The following PPME1 variants were observed in gnomAD, a reference collection of about 807,000 sequenced individuals.
PPME1 encodes the protein protein phosphatase methylesterase 1.
In PPME1, 17 loss-of-function variants were observed where a neutral mutation model predicts 56.9. The observed-to-expected ratio is 0.30, with a 90% CI of 0.20 to 0.45. PPME1 has a LOEUF of 0.45. Ranked by LOEUF, PPME1 falls within the 20% of genes least tolerant of loss-of-function variation. The pLI is 1.00. For synonymous variants in PPME1, 122 were observed against 156.2 expected (o/e 0.78, Z 1.63); for missense variants, 357 against 483.2 (o/e 0.74, Z 2.45).
Position 74,246,136 on chromosome 11 carries a change from G to C in PPME1, c.895G>C (p.Asp299His). 6.4e-7 allele frequency: 1 copy of C among 1,559,326 alleles called. No homozygotes were observed. Among genetic ancestry groups the C allele is most frequent in the South Asian group, 1.2e-5 (1 of 84,426 alleles). ...IELAKTEKYW[D>H]GWFRGLSNLF... Reference sequence around the variant, plus strand: ...ACTGGCAAAAACAGAAAAATACTGGGACGGCTGGTTCCGAGGCTTATCCAA... The same window carrying C: ...ACTGGCAAAAACAGAAAAATACTGGCACGGCTGGTTCCGAGGCTTATCCAA... Residue 299 changes from aspartate (D) to histidine (H), a missense_variant, in exon 10 of 14, where the codon GAC becomes CAC. Transcript: ENST00000328257.
chr11:74,225,118 C>A, intron 4 of PPME1, 87 bp from the exon 5 acceptor site: 3 of 913,182 alleles, frequency 3.3e-6, no homozygotes, highest in Non-Finnish European at 3.3e-6. Flanking sequence ...AATCCATTGT[C>A]CAAAGATGAT....
chr11:74,212,034 C>G (rs1858490445), intron 3 of PPME1, among the ~76,000 whole-genome samples: 1 of 152,092 alleles, frequency 6.6e-6, no homozygotes, highest in African/African-American at 2.4e-5. Flanking sequence ...TCATAAGAAC[C>G]AAAAATCAGG....
chr11:74,214,114 TTATC>T lies in PPME1; in HGVS notation c.289-8194_289-8191del, dbSNP rs141446818. On this transcript the variant is annotated intron_variant, in intron 3 of 13. Transcript: ENST00000328257. ...ATAACAGAGAAGGAATTCAGAAAAT[TTATC>T]TATAGATAAATTTAACAAAGCAATT... Among the ~76,000 whole-genome samples, 539 of 152,248 alleles carry T rather than the reference TTATC, an allele frequency of 3.5e-3. 5 individuals carry two copies. Among genetic ancestry groups the T allele is most frequent in the African/African-American group, 0.012 (504 of 41,530 alleles).
chr11:74,177,024 T>G (rs1260028529), intron 1 of PPME1, among the ~76,000 whole-genome samples: 1 of 152,126 alleles, frequency 6.6e-6, no homozygotes, highest in Non-Finnish European at 1.5e-5. Flanking sequence ...AGCCAATTTT[T>G]TTTTAATCCA....
At chr11:74,233,970 T>C (rs769528345) in intron 7 of PPME1, among the ~76,000 whole-genome samples, 6 of 152,186 alleles carry the variant, frequency 3.9e-5, no homozygotes, top group East Asian at 1.9e-4. Flanking sequence ...GAGACTGTTA[T>C]AGTAAAGGAG....
intron 8 of PPME1, chr11:74,238,043 T>A (rs527951598): frequency 6.6e-6 from 1 of 152,350 alleles, no homozygotes; most frequent in Non-Finnish European, 1.5e-5. Context: ...AGTGTGTATG[T>A]GCATGTGTAT....
At chr11:74,198,932 A>G (rs1184309670) in intron 1 of PPME1, 1 of 152,256 alleles carries the variant, frequency 6.6e-6, no homozygotes, top group Non-Finnish European at 1.5e-5. Context: ...ATAACCGGAA[A>G]AAGAACATAT....
intron 9 of PPME1, 96 bp downstream of exon 9, chr11:74,239,352 C>T: frequency 1.3e-6 from 2 of 1,494,680 alleles, no homozygotes; most frequent in Non-Finnish European, 1.8e-6. Context: ...TTTTTGTTTG[C>T]CATTAGGTAT....
intron 5 of PPME1, among the ~76,000 whole-genome samples, chr11:74,227,904 A>T (rs1243152305): frequency 6.6e-6 from 1 of 152,150 alleles, no homozygotes; most frequent in East Asian, 1.9e-4. Flanking sequence ...CACGATGTTC[A>T]GTTGGTGTGT....
At position 74,173,416 on chromosome 11, in the gene PPME1, G is replaced by T. The variant is rs114037720; in HGVS notation, c.101+1894G>T. On this transcript the variant is annotated intron_variant, in intron 1 of 13. Transcript: ENST00000328257. ...TAATTAGAGCTCAGCTTCTCATCTT[G>T]GAGAAACAAGTTCTCTGAAGATTGA... 8.4e-3 allele frequency among the ~76,000 whole-genome samples: 1,282 copies of T among 151,866 alleles called. 10 individuals are homozygous for T. The highest frequency in any genetic ancestry group is 0.029 in the African/African-American group (1,183 of 41,384).
chr11:74,229,388 C>T (rs1859012433), intron 5 of PPME1, among the ~76,000 whole-genome samples: 1 of 152,136 alleles, frequency 6.6e-6, no homozygotes, highest in Non-Finnish European at 1.5e-5. Context: ...ACACACCTTA[C>T]TGTTCTTATC....
intron 3 of PPME1, among the ~76,000 whole-genome samples, chr11:74,218,134 A>C (rs977752985): frequency 1.3e-5 from 2 of 151,848 alleles, no homozygotes; most frequent in East Asian, 3.8e-4. Context: ...GCCAACAGCA[A>C]ACAATCTGAA....
At position 74,250,681 on chromosome 11, in the gene PPME1, C is replaced by T. The variant is rs1200036308; in HGVS notation, c.1010-273C>T. ...TTACTCCCCTACTGGACTGTAAATC[C>T]CCTGAGGACAAGAACTGTTTCTTCT... On this transcript the variant is annotated intron_variant, in intron 11 of 13. Coordinates refer to ENST00000328257, the MANE Select transcript of PPME1 (RefSeq NM_016147.3). The T allele has an allele frequency of 2.3e-5, 9 of 391,810 alleles. No individual in the cohort carries two copies. In the Admixed American group the frequency reaches 3.5e-4, roughly 15 times the overall value. 24.3% of individuals were successfully genotyped at this position (391,810 alleles called of 1,614,324 possible). A position where few individuals can be genotyped will look rare whatever the true frequency, so the allele number is the denominator to read the frequency against.
chr11:74,241,678 C>T lies in PPME1; in HGVS notation c.834+2422C>T, dbSNP rs959226251. Among the ~76,000 whole-genome samples the T allele has an allele frequency of 1.3e-5, 2 of 152,128 alleles. 1 individual carries two copies. The highest frequency in any genetic ancestry group is 2.9e-5 in the Non-Finnish European group (2 of 68,024). Reference sequence around the variant, plus strand: ...TTATTTTCTCTCTTTTTGATTATAGCCATCCTAGTGTGTATGAAGTGATAT... The same window carrying T: ...TTATTTTCTCTCTTTTTGATTATAGTCATCCTAGTGTGTATGAAGTGATAT... On this transcript the variant is annotated intron_variant, in intron 9 of 13. Transcript: ENST00000328257.
chr11:74,253,294 G>A (rs1859752323), intron 13 of PPME1, among the ~76,000 whole-genome samples, 198 bp from the exon 14 acceptor site: 1 of 152,098 alleles, frequency 6.6e-6, no homozygotes, highest in East Asian at 1.9e-4. Context: ...GGGGCCCTTC[G>A]ACCATTTGGA....
intron 1 of PPME1, among the ~76,000 whole-genome samples, chr11:74,179,832 C>G (rs1857486518): frequency 6.6e-6 from 1 of 152,150 alleles, no homozygotes; most frequent in Non-Finnish European, 1.5e-5. Context: ...CTTCAAAGTA[C>G]TGCTAATAAG....
At chr11:74,245,890 A>G in intron 9 of PPME1, 186 bp from the exon 10 acceptor site, 1 of 497,376 alleles carries the variant, frequency 2.0e-6, no homozygotes, top group Non-Finnish European at 3.3e-6. Flanking sequence ...CTTAAAATGA[A>G]TATTAACAGT....
At chr11:74,232,388 C>T (rs994833802) in intron 7 of PPME1, among the ~76,000 whole-genome samples, 2 of 152,220 alleles carry the variant, frequency 1.3e-5, no homozygotes, top group African/African-American at 4.8e-5. Flanking sequence ...GTAAATATAT[C>T]CTAGGCGTTT....
intron 1 of PPME1, among the ~76,000 whole-genome samples, chr11:74,191,822 G>T (rs1008286959): frequency 6.6e-6 from 1 of 152,226 alleles, no homozygotes; most frequent in African/African-American, 2.4e-5. Context: ...CTTCTGCCTA[G>T]ATTTCAGGGC....
Sources: gnomAD v4.1 joint callset for allele counts (sites outside exome capture counted in the v4.1 genomes callset) on GRCh38, gnomAD v4.1.1 for gene constraint, MANE v1.5 for transcripts, NCBI Gene and HGNC (gene_info 2026-07-23, HGNC 2026-07-21) for gene names.